The following KLF12 variants were observed in gnomAD, a reference collection of about 807,000 sequenced individuals.
KLF12 encodes KLF transcription factor 12, also known as Krueppel-like factor 12.
Under a neutral mutation model 37.8 loss-of-function variants are expected in KLF12, and 9 were observed. The ratio of observed to expected loss-of-function variants is 0.24; its 90% confidence interval spans 0.14 to 0.42. The LOEUF is 0.42. Ranked by LOEUF, KLF12 falls within the 10% of genes least tolerant of loss-of-function variation. The pLI is 1.00. For missense variants in KLF12, 411 were observed against 516.0 expected (o/e 0.80, Z 1.97); for synonymous variants, 208 against 202.1 (o/e 1.03, Z -0.25).
chr13:73,934,759 T>C (rs766170865), intron 3 of KLF12, among the ~76,000 whole-genome samples: 1 of 152,016 alleles, frequency 6.6e-6, no homozygotes, highest in South Asian at 2.1e-4. Flanking sequence ...ATAGTTTCCA[T>C]CCCATCTGAA....
intron 4 of KLF12, among the ~76,000 whole-genome samples, chr13:73,819,942 G>C (rs1482053809): frequency 6.6e-6 from 1 of 152,160 alleles, no homozygotes; most frequent in African/African-American, 2.4e-5. Flanking sequence ...GGACCTGCAA[G>C]GAAGCTGTGG....
chr13:73,958,949 G>A (rs1329519161), intron 2 of KLF12, among the ~76,000 whole-genome samples: 3 of 150,770 alleles, frequency 2.0e-5, no homozygotes, highest in African/African-American at 7.5e-5. Context: ...GCAGACTTCA[G>A]CAACTAATTG....
Position 73,746,572 on chromosome 13 carries a change from C to T in KLF12, c.869+18366G>A, listed in dbSNP as rs187446728. Among the ~76,000 whole-genome samples, 858 of 152,156 alleles carry T rather than the reference C, an allele frequency of 5.6e-3. 6 individuals carry two copies. Among genetic ancestry groups the T allele is most frequent in the Non-Finnish European group, 8.4e-3 (573 of 68,006 alleles). ...CCAAAGACAGAGCTCCTTTTAGATA[C>T]CTTTATATTAATTCTGAGCATTACT... is the stretch of plus-strand genomic sequence containing the variant. On this transcript the variant is annotated intron_variant, in intron 6 of 7. Transcript: ENST00000377669.
At chr13:73,793,410 A>T (rs1460973627) in intron 5 of KLF12, among the ~76,000 whole-genome samples, 1 of 152,198 alleles carries the variant, frequency 6.6e-6, no homozygotes, top group African/African-American at 2.4e-5. Context: ...ATCCCCAAAC[A>T]CTTCTATAAG....
chr13:74,092,432 G>A (rs959610002), intron 1 of KLF12, among the ~76,000 whole-genome samples: 1 of 148,774 alleles, frequency 6.7e-6, no homozygotes, highest in Non-Finnish European at 1.5e-5. Context: ...ATAACCAGCC[G>A]GGCCAACATG....
In KLF12 at chr13:73,901,170, A is replaced by T. The variant is rs139224146; in HGVS notation, c.123+42811T>A. Among the ~76,000 whole-genome samples the T allele has an allele frequency of 1.0e-3, 153 of 152,310 alleles. 1 individual carries two copies. The Middle Eastern group carries it at 0.01, about 10-fold the overall frequency. ...ATCCACATTCAGCAAACATCCTACAATTAGCTACGACTTCACCTACAGAGA... is the reference window on the plus strand; with the variant it reads ...ATCCACATTCAGCAAACATCCTACATTTAGCTACGACTTCACCTACAGAGA... On this transcript the variant is annotated intron_variant, in intron 3 of 7. Coordinates refer to ENST00000377669, the MANE Select transcript of KLF12 (RefSeq NM_007249.5).
intron 1 of KLF12, among the ~76,000 whole-genome samples, chr13:74,081,791 A>G (rs973164134): frequency 6.6e-6 from 1 of 152,230 alleles, no homozygotes; most frequent in African/African-American, 2.4e-5. Context: ...TACTCGTGCC[A>G]GAGAATGTCA....
intron 7 of KLF12, among the ~76,000 whole-genome samples, chr13:73,695,993 C>A (rs1448331901): frequency 6.6e-6 from 1 of 152,132 alleles, no homozygotes; most frequent in East Asian, 1.9e-4. Context: ...TAAAGCTTTA[C>A]CCAGTTTGAT....
At chr13:74,028,078 T>C (rs1031620223) in intron 1 of KLF12, among the ~76,000 whole-genome samples, 4 of 152,214 alleles carry the variant, frequency 2.6e-5, no homozygotes, top group African/African-American at 7.2e-5. Flanking sequence ...ACCTTATTTA[T>C]AGGTTGCCTC....
chr13:73,844,408 T>C (rs1389180536), intron 4 of KLF12, among the ~76,000 whole-genome samples: 2 of 152,212 alleles, frequency 1.3e-5, no homozygotes, highest in Non-Finnish European at 2.9e-5. Flanking sequence ...CTCTTCTTCC[T>C]CTACGTTTTC....
the KLF12 span, among the ~76,000 whole-genome samples, chr13:74,209,223 T>C: frequency 6.6e-6 from 1 of 152,020 alleles, no homozygotes. Context: ...TTTAAGTTAC[T>C]CTCGGTGAAG....
At chr13:74,159,591 T>C in the KLF12 span, among the ~76,000 whole-genome samples, 1 of 152,228 alleles carries the variant, frequency 6.6e-6, no homozygotes, top group African/African-American at 2.4e-5. Flanking sequence ...TTTTTGTCTG[T>C]TTAGCACATG....
At position 73,723,017 on chromosome 13, in the gene KLF12, A is replaced by G. The variant is rs150022521; in HGVS notation, c.870-7492T>C. On this transcript the variant is annotated intron_variant, in intron 6 of 7. Transcript: ENST00000377669. The stretch of plus-strand genomic sequence containing the variant: ...CTAGACCGTTAAAAAACTTAAAAGT[A>G]TGACAAGCTTTCTGTTCTTTTTGTT... Among the ~76,000 whole-genome samples, 251 of 152,358 alleles carry G rather than the reference A, an allele frequency of 1.6e-3. 1 individual carries two copies. The highest frequency in any genetic ancestry group is 5.6e-3 in the African/African-American group (232 of 41,590).
intron 3 of KLF12, among the ~76,000 whole-genome samples, chr13:73,911,201 C>T (rs978001198): frequency 2.6e-5 from 4 of 150,948 alleles, no homozygotes; most frequent in Non-Finnish European, 5.9e-5. Flanking sequence ...TCACTGGGCC[C>T]CATAAATGTA....
intron 1 of KLF12, among the ~76,000 whole-genome samples, chr13:74,039,735 G>C (rs1893352406): frequency 6.6e-6 from 1 of 152,138 alleles, no homozygotes; most frequent in Non-Finnish European, 1.5e-5. Context: ...AATACAATTA[G>C]GATAAAGATA....
At chr13:73,743,258 A>C (rs1878130568) in intron 6 of KLF12, among the ~76,000 whole-genome samples, 1 of 152,180 alleles carries the variant, frequency 6.6e-6, no homozygotes, top group Non-Finnish European at 1.5e-5. Flanking sequence ...ATATGAGAAA[A>C]CTGGGAGTGA....
At chr13:73,817,269 G>A (rs1203956632) in intron 4 of KLF12, among the ~76,000 whole-genome samples, 1 of 143,862 alleles carries the variant, frequency 7.0e-6, no homozygotes. Context: ...AGTGAGCTAC[G>A]ATCACACCAC....
chr13:74,128,828 C>T (rs113163965), intron 1 of KLF12, among the ~76,000 whole-genome samples: 14 of 151,620 alleles, frequency 9.2e-5, no homozygotes, highest in African/African-American at 3.4e-4. Flanking sequence ...ACTGTTTTTC[C>T]CCCTTTTTTA....
chr13:73,929,305 T>C (rs1889553156), intron 3 of KLF12, among the ~76,000 whole-genome samples: 1 of 152,150 alleles, frequency 6.6e-6, no homozygotes, highest in Admixed American at 6.6e-5. Context: ...CTAAGAAATA[T>C]TACATATATT....
Sources: allele counts gnomAD v4.1 joint callset (sites outside exome capture counted in the v4.1 genomes callset), GRCh38; gene constraint gnomAD v4.1.1; transcripts MANE v1.5; gene names NCBI Gene and HGNC (gene_info 2026-07-23, HGNC 2026-07-21).